The following ADAM9 variants were observed in gnomAD, a reference collection of about 807,000 sequenced individuals.
ADAM9 encodes the protein disintegrin and metalloproteinase domain-containing protein 9.
Under a neutral mutation model 108.1 loss-of-function variants are expected in ADAM9, and 54 were observed. The ratio of observed to expected loss-of-function variants is 0.50; its 90% CI spans 0.40 to 0.63. The LOEUF (loss-of-function observed/expected upper bound fraction) is 0.63, where lower values mean the gene tolerates loss of function less well. ADAM9 is among the 20% of genes least tolerant of loss of function. ADAM9 has a pLI of 0.00. For synonymous variants in ADAM9, 316 were observed against 336.0 expected, an observed-to-expected ratio of 0.94 and a Z score of 0.65; for missense variants, 830 against 997.7, an observed-to-expected ratio of 0.83 and a Z score of 2.26.
chr8:39,051,894 G>A (rs1277566011), intron 12 of ADAM9, among the ~76,000 whole-genome samples: 1 of 151,642 alleles, frequency 6.6e-6, no homozygotes, highest in Non-Finnish European at 1.5e-5. Flanking sequence ...CAGTGCTGCC[G>A]TATACATCCT....
intron 4 of ADAM9, 192 bp from the exon 5 acceptor site, chr8:39,015,926 T>C: frequency 8.5e-6 from 5 of 590,914 alleles, no homozygotes; most frequent in Non-Finnish European, 1.2e-5. Context: ...TGTGTACTCA[T>C]AGGGTGGTAG....
chr8:39,077,437 A>G (rs1838883001), intron 16 of ADAM9, 26 bp downstream of exon 16: 1 of 1,573,632 alleles, frequency 6.4e-7, no homozygotes, highest in Admixed American at 1.8e-5. Context: ...TTTATTTACA[A>G]AGTAAAATGA....
chr8:39,019,349 C>G (rs1836657932), intron 7 of ADAM9, among the ~76,000 whole-genome samples: 1 of 152,174 alleles, frequency 6.6e-6, no homozygotes. Flanking sequence ...CCTCCAGGTC[C>G]TGGCATGCTT....
At chr8:39,045,453 C>T (rs1270006085) in intron 12 of ADAM9, among the ~76,000 whole-genome samples, 1 of 146,976 alleles carries the variant, frequency 6.8e-6, no homozygotes, top group Non-Finnish European at 1.5e-5. Flanking sequence ...TGTACACACA[C>T]CTATATGTGC....
chr8:39,060,659 G>A (rs2129439711), intron 14 of ADAM9, among the ~76,000 whole-genome samples: 1 of 152,304 alleles, frequency 6.6e-6, no homozygotes, highest in East Asian at 1.9e-4. Flanking sequence ...TTTTTGTCGT[G>A]CAAATATCTT....
In ADAM9 at chr8:39,104,581, C is replaced by T. The variant is rs1352235255; in HGVS notation, c.*881C>T. 2.2e-5 allele frequency: 9 copies of T among 408,006 alleles called. No individual in the cohort carries two copies. Among genetic ancestry groups the T allele is most frequent in the Non-Finnish European group, 2.9e-5 (6 of 209,232 alleles). 25.3% of individuals were successfully genotyped at this position (408,006 alleles called of 1,614,324 possible). On this transcript the variant is annotated 3_prime_UTR_variant, in exon 22 of 22. Coordinates refer to ENST00000487273, the MANE Select transcript of ADAM9 (RefSeq NM_003816.3). ...TCAATCAATTGAACTTTTACAAAACCACTTGAGAATTTCATGAGCACTTTA... is the reference window on the plus strand; with the variant it reads ...TCAATCAATTGAACTTTTACAAAACTACTTGAGAATTTCATGAGCACTTTA...
intron 12 of ADAM9, among the ~76,000 whole-genome samples, chr8:39,050,803 T>C (rs1014761953): frequency 6.6e-6 from 1 of 151,844 alleles, no homozygotes; most frequent in African/African-American, 2.4e-5. Flanking sequence ...TCCAACAGTT[T>C]CTCTTTCCAG....
At chr8:39,045,473 C>T (rs1442692478) in intron 12 of ADAM9, among the ~76,000 whole-genome samples, 1 of 92,426 alleles carries the variant, frequency 1.1e-5, no homozygotes, top group African/African-American at 3.1e-5. Flanking sequence ...CGTGTGTGTA[C>T]ACACACCTAT....
intron 11 of ADAM9, among the ~76,000 whole-genome samples, chr8:39,033,698 A>T (rs776750742): frequency 5.9e-5 from 9 of 152,264 alleles, no homozygotes; most frequent in Non-Finnish European, 1.3e-4. Context: ...TATGGTGTCA[A>T]TGAAATTAAT....
At chr8:39,097,357 A>C (rs776650482) in intron 20 of ADAM9, among the ~76,000 whole-genome samples, 4 of 148,834 alleles carry the variant, frequency 2.7e-5, no homozygotes, top group Non-Finnish European at 5.9e-5. Flanking sequence ...CCCAGGCTGG[A>C]GTGCAGTGGT....
chr8:39,082,799 C>T, intron 17 of ADAM9, 78 bp downstream of exon 17: 1 of 1,415,272 alleles, frequency 7.1e-7, no homozygotes. Flanking sequence ...ATGAGAGTTC[C>T]CAGGATTTTC....
intron 12 of ADAM9, among the ~76,000 whole-genome samples, chr8:39,044,211 T>A (rs1009011449): frequency 3.9e-5 from 6 of 152,240 alleles, no homozygotes; most frequent in Non-Finnish European, 8.8e-5. Context: ...TCTAAGAGTT[T>A]TACTGTTTCA....
chr8:39,074,826 T>C (rs1056658656), intron 15 of ADAM9, among the ~76,000 whole-genome samples: 2 of 152,080 alleles, frequency 1.3e-5, no homozygotes, highest in African/African-American at 4.8e-5. Flanking sequence ...TGGATTTGTT[T>C]TAGTTTCCTT....
chr8:39,038,024 A>G (rs1314852947), intron 11 of ADAM9, among the ~76,000 whole-genome samples: 1 of 151,084 alleles, frequency 6.6e-6, no homozygotes, highest in Non-Finnish European at 1.5e-5. Context: ...CTTTTTTCTC[A>G]CTCTTCATCT....
intron 15 of ADAM9, chr8:39,076,134 CT>C (rs1450784953): frequency 1.3e-5 from 2 of 151,778 alleles, no homozygotes; most frequent in Admixed American, 1.3e-4. Flanking sequence ...CCATTTTTTT[CT>C]TTGCTCACCA....
At position 39,055,639 on chromosome 8, in the gene ADAM9, C is replaced by T; in HGVS notation, c.1458C>T (p.Cys486=). ...KTSECDVPEY[C]NGSSQFCQPD... ...GTGAGTGTGATGTTCCAGAGTACTG[C>T]AATGGTTCTTCTCAGTTCTGTCAGC... The change falls in exon 14 of 22, where the codon TGC becomes TGT. Residue 486 remains cysteine (C), a synonymous_variant. Coordinates refer to ENST00000487273, the MANE Select transcript of ADAM9 (RefSeq NM_003816.3). 6.2e-7 allele frequency: 1 copy of T among 1,613,752 alleles called. No homozygotes were observed. Among genetic ancestry groups the T allele is most frequent in the South Asian group, 1.1e-5 (1 of 91,068 alleles).
At chr8:39,028,545 C>A (rs975730295) in intron 11 of ADAM9, among the ~76,000 whole-genome samples, 2 of 152,112 alleles carry the variant, frequency 1.3e-5, no homozygotes, top group South Asian at 4.1e-4. Flanking sequence ...AAAAAAGAAG[C>A]ATTCAGAGGT....
chr8:39,103,758 TTTCTTGATG>T lies in ADAM9; in HGVS notation c.*61_*69del. Reference sequence around the variant, plus strand: ...GGGAACTGAGCTAATACTTTTTTTTTTTCTTGATGTTTTCTTGAAAAGCCTTTCTGTTGC... The same window carrying T: ...GGGAACTGAGCTAATACTTTTTTTTTTTTTCTTGAAAAGCCTTTCTGTTGC... On this transcript the variant is annotated 3_prime_UTR_variant, in exon 22 of 22. Coordinates refer to ENST00000487273, the MANE Select transcript of ADAM9 (RefSeq NM_003816.3). 6.6e-7 allele frequency: 1 copy of T among 1,524,104 alleles called. No homozygotes were observed. 94.4% of individuals were successfully genotyped at this position (1,524,104 alleles called of 1,614,324 possible).
chr8:39,068,756 G>A (rs912259017), intron 14 of ADAM9, among the ~76,000 whole-genome samples: 1 of 144,592 alleles, frequency 6.9e-6, no homozygotes, highest in Non-Finnish European at 1.5e-5. Flanking sequence ...AGGAGGTGAG[G>A]GAAAATAAGG....
Sources: gnomAD v4.1 joint callset for allele counts (sites outside exome capture counted in the v4.1 genomes callset) on GRCh38, gnomAD v4.1.1 for gene constraint, MANE v1.5 for transcripts, NCBI Gene and HGNC (gene_info 2026-07-23, HGNC 2026-07-21) for gene names.